The following ASXL2 variants were observed in gnomAD, a reference collection of about 807,000 sequenced individuals.
ASXL2 encodes putative Polycomb group protein ASXL2.
A neutral mutation model predicts 122.0 loss-of-function variants in ASXL2; 23 were observed. The observed-to-expected ratio is 0.19, with a 90% CI of 0.14 to 0.27. The LOEUF (loss-of-function observed/expected upper bound fraction) is 0.27, where lower values mean the gene tolerates loss of function less well. ASXL2 is among the 10% of genes least tolerant of loss of function. ASXL2 has a pLI of 1.00. For synonymous variants in ASXL2, 650 were observed against 637.0 expected (o/e 1.02, Z -0.31); for missense variants, 1,518 against 1,713.8 (o/e 0.89, Z 2.02).
At chr2:25,759,355 TAA>T in intron 9 of ASXL2, 125 bp downstream of exon 9, 1 of 1,051,630 alleles carries the variant, frequency 9.5e-7, no homozygotes, top group Non-Finnish European at 1.3e-6. Flanking sequence ...TCCTAAGCCT[TAA>T]AAAAACCTGC....
chr2:25,826,803 T>C (rs1039249068), intron 3 of ASXL2, among the ~76,000 whole-genome samples: 1 of 137,978 alleles, frequency 7.2e-6, no homozygotes, highest in African/African-American at 2.6e-5. Context: ...CTAGACCAGA[T>C]GCTTAAATGC....
chr2:25,734,133 TTTG>T lies in ASXL2; in HGVS notation c.*7893_*7895del, dbSNP rs2087694927. ...TTTCTTTCAAATTTCTAGAGTTTCA[TTTG>T]TTATGTTCTCTAGATCTTTCATGGA... On this transcript the variant is annotated 3_prime_UTR_variant, in exon 13 of 13. Coordinates refer to ENST00000435504, the MANE Select transcript of ASXL2 (RefSeq NM_018263.6). 1.3e-5 allele frequency: 2 copies of T among 151,980 alleles called. No individual in the cohort carries two copies. The highest frequency in any genetic ancestry group is 1.3e-4 in the Admixed American group (2 of 15,268). The allele number at this position is 151,980 out of a possible 1,614,324, so 9.4% of individuals were successfully genotyped here. A position where few individuals can be genotyped will look rare whatever the true frequency, so the allele number is the denominator to read the frequency against.
intron 5 of ASXL2, among the ~76,000 whole-genome samples, chr2:25,785,005 T>A (rs2088713790): frequency 6.6e-6 from 1 of 152,224 alleles, no homozygotes; most frequent in Non-Finnish European, 1.5e-5. Flanking sequence ...GCTATTATAG[T>A]GCTGCCCAGG....
At chr2:25,876,083 T>C (rs1414913337) in intron 1 of ASXL2, among the ~76,000 whole-genome samples, 1 of 152,182 alleles carries the variant, frequency 6.6e-6, no homozygotes, top group Non-Finnish European at 1.5e-5. Context: ...TTTTGGCTAC[T>C]AGAAAAACTT....
At chr2:25,868,446 G>C (rs977293258) in intron 1 of ASXL2, among the ~76,000 whole-genome samples, 7 of 152,246 alleles carry the variant, frequency 4.6e-5, no homozygotes, top group Non-Finnish European at 7.3e-5. Flanking sequence ...AGCTTACTCA[G>C]AGGATACTAT....
chr2:25,805,798 C>T (rs2089072757), intron 4 of ASXL2, among the ~76,000 whole-genome samples: 1 of 152,140 alleles, frequency 6.6e-6, no homozygotes, highest in Admixed American at 6.5e-5. Context: ...GCCTTAGCCT[C>T]CTGAGTGGCT....
intron 1 of ASXL2, among the ~76,000 whole-genome samples, chr2:25,867,699 A>G (rs2089921312): frequency 6.6e-6 from 1 of 152,110 alleles, no homozygotes; most frequent in African/African-American, 2.4e-5. Flanking sequence ...AACCCTCCAC[A>G]TTTTGGCCCA....
intron 1 of ASXL2, among the ~76,000 whole-genome samples, chr2:25,874,825 A>G (rs1411140030): frequency 6.6e-6 from 1 of 152,038 alleles, no homozygotes; most frequent in Non-Finnish European, 1.5e-5. Flanking sequence ...CACGCCTATA[A>G]TATCAGCACT....
At chr2:25,863,598 C>T (rs1344442353) in intron 1 of ASXL2, among the ~76,000 whole-genome samples, 1 of 151,736 alleles carries the variant, frequency 6.6e-6, no homozygotes, top group Non-Finnish European at 1.5e-5. Context: ...GAGGCTAAGG[C>T]AGGAGAATGG....
chr2:25,844,816 T>C (rs1039092166), intron 2 of ASXL2, among the ~76,000 whole-genome samples: 6 of 152,014 alleles, frequency 3.9e-5, no homozygotes, highest in Admixed American at 1.3e-4. Context: ...ATACAATTTT[T>C]CGTAGAGATG....
Position 25,750,132 on chromosome 2 carries a change from C to T in ASXL2, c.1424G>A (p.Ser475Asn), listed in dbSNP as rs777623912. The T allele has an allele frequency of 2.5e-6, 4 of 1,614,006 alleles. No individual in the cohort carries two copies. Among genetic ancestry groups the T allele is most frequent in the Non-Finnish European group, 1.7e-6 (2 of 1,179,894 alleles). The change falls in exon 12 of 13, where the codon AGC becomes AAC. Residue 475 changes from serine to asparagine, a missense_variant. By Grantham distance (46) the Ser-to-Asn change is conservative. Transcript: ENST00000435504. The part of the protein sequence containing the change: ...LSSALNTHEL[S>N]SILPIKCPKD... ...TGGGCACTTGATGGGAAGAATGCTG[C>T]TAAGCTCATGTGTATTGAGAGCTGA...
At chr2:25,785,048 T>G (rs1217097116) in intron 5 of ASXL2, among the ~76,000 whole-genome samples, 1 of 152,236 alleles carries the variant, frequency 6.6e-6, no homozygotes, top group Non-Finnish European at 1.5e-5. Flanking sequence ...CAAGGAATTA[T>G]AAGTATTCTC....
intron 4 of ASXL2, among the ~76,000 whole-genome samples, chr2:25,800,890 T>C (rs2088988787): frequency 1.3e-5 from 2 of 152,158 alleles, no homozygotes; most frequent in South Asian, 4.1e-4. Flanking sequence ...TATATAAAAA[T>C]ACACATGTAT....
intron 2 of ASXL2, among the ~76,000 whole-genome samples, chr2:25,839,894 T>C (rs1031789103): frequency 1.3e-5 from 2 of 151,206 alleles, no homozygotes; most frequent in African/African-American, 2.4e-5. Context: ...TTTTCTTTTT[T>C]TTTTTTTTCT....
chr2:25,764,814 CG>C (rs1440818158), intron 8 of ASXL2, among the ~76,000 whole-genome samples: 1 of 152,140 alleles, frequency 6.6e-6, no homozygotes, highest in East Asian at 1.9e-4. Context: ...ACCTGCACAT[CG>C]CAGTCAAACT....
At position 25,742,341 on chromosome 2, in the gene ASXL2, A is replaced by T; in HGVS notation, c.3996T>A (p.Asn1332Lys). The T allele has an allele frequency of 3.4e-6, 5 of 1,464,042 alleles. No individual in the cohort carries two copies. The highest frequency in any genetic ancestry group is 4.6e-6 in the Non-Finnish European group (5 of 1,091,708). The allele number at this position is 1,464,042 out of a possible 1,614,324, so 90.7% of individuals were successfully genotyped here. A position where few individuals can be genotyped will look rare whatever the true frequency, so the allele number is the denominator to read the frequency against. Reference sequence around the variant, plus strand: ...GGTCCATGTCAGATGAGGTGGAGACATTGATCATGCCTCTATAGCTTGGCC... The same window carrying T: ...GGTCCATGTCAGATGAGGTGGAGACTTTGATCATGCCTCTATAGCTTGGCC... ...QIGPSYRGMI[N>K]VSTSSDMDHN... Residue 1332 changes from asparagine (N) to lysine (K), a missense_variant, in exon 13 of 13, where the codon AAT becomes AAA. Coordinates refer to ENST00000435504, the MANE Select transcript of ASXL2 (RefSeq NM_018263.6).
rs763902023 is a variant in ASXL2 at position 25,743,345 on chromosome 2, T to C, written c.2992A>G (p.Thr998Ala). The change falls in exon 13 of 13, where the codon ACA (threonine) becomes GCA (alanine). Residue 998 changes from threonine to alanine, a missense_variant. By Grantham distance (58) the Thr-to-Ala change is moderately conservative. Transcript: ENST00000435504. ...TCCTCTCTGGTGCTATTTTCTGTTG[T>C]GTTGGTAGCTATGAGCGCTCCCATC... ...RGMGALIATN[T>A]TENSTREEVN... 1 of 1,613,978 alleles carries C rather than the reference T, an allele frequency of 6.2e-7. No individual in the cohort carries two copies. Among genetic ancestry groups the C allele is most frequent in the Non-Finnish European group, 8.5e-7 (1 of 1,179,886 alleles).
At chr2:25,761,440 C>T (rs2149147927) in intron 8 of ASXL2, among the ~76,000 whole-genome samples, 2 of 152,012 alleles carry the variant, frequency 1.3e-5, no homozygotes, top group South Asian at 4.2e-4. Flanking sequence ...TCTGGGAGGC[C>T]GAGGCAGGCA....
intron 4 of ASXL2, among the ~76,000 whole-genome samples, chr2:25,805,926 C>T (rs545457668): frequency 1.1e-4 from 17 of 152,198 alleles, no homozygotes; most frequent in Non-Finnish European, 1.3e-4. Flanking sequence ...ATTTGCCCAC[C>T]TCGGCCTCCT....
Sources: gnomAD v4.1 joint callset for allele counts (sites outside exome capture counted in the v4.1 genomes callset) on GRCh38, gnomAD v4.1.1 for gene constraint, MANE v1.5 for transcripts, NCBI Gene and HGNC (gene_info 2026-07-23, HGNC 2026-07-21) for gene names.